Variants in GLIPR1L1 observed in about 807,000 individuals in gnomAD.
GLIPR1L1 encodes the protein GLIPR1-like protein 1.
Under a neutral mutation model 29.9 loss-of-function variants are expected in GLIPR1L1, and 26 were observed. The observed-to-expected ratio is 0.87, with a 90% CI of 0.64 to 1.21. The LOEUF (loss-of-function observed/expected upper bound fraction) is 1.21, where lower values mean the gene tolerates loss of function less well. Ranked by LOEUF, GLIPR1L1 falls within the 50% of genes most tolerant of loss-of-function variation. The pLI is 0.00. For synonymous variants in GLIPR1L1, 77 were observed against 97.5 expected (o/e 0.79, Z 1.24); for missense variants, 305 against 290.3 (o/e 1.05, Z -0.37).
At chr12:75,341,782 C>G (rs572464426) in intron 1 of GLIPR1L1, among the ~76,000 whole-genome samples, 3 of 117,282 alleles carry the variant, frequency 2.6e-5, no homozygotes, top group Admixed American at 1.0e-4. Context: ...GAGATGGAGT[C>G]TCTGTCACCC....
intron 3 of GLIPR1L1, among the ~76,000 whole-genome samples, chr12:75,354,176 G>A (rs1297399219): frequency 1.5e-5 from 2 of 131,936 alleles, no homozygotes; most frequent in South Asian, 5.5e-4. Flanking sequence ...AGGGGGGGGG[G>A]TATTCAAATA....
At chr12:75,365,519 C>T (rs1299299648) in intron 4 of GLIPR1L1, among the ~76,000 whole-genome samples, 1 of 152,000 alleles carries the variant, frequency 6.6e-6, no homozygotes, top group African/African-American at 2.4e-5. Flanking sequence ...ATGAAACAAA[C>T]ATTATTTACC....
chr12:75,339,682 A>G (rs942644224), intron 1 of GLIPR1L1, among the ~76,000 whole-genome samples: 10 of 152,074 alleles, frequency 6.6e-5, no homozygotes, highest in African/African-American at 2.4e-4. Context: ...CCTGAATGGT[A>G]TTGCCTAGAT....
chr12:75,351,965 T>C (rs1203548140), intron 3 of GLIPR1L1, among the ~76,000 whole-genome samples: 1 of 152,166 alleles, frequency 6.6e-6, no homozygotes, highest in East Asian at 1.9e-4. Context: ...CTGAGGGAAT[T>C]CATCACCACC....
chr12:75,339,143 GTATTT>G (rs1274996489), intron 1 of GLIPR1L1, among the ~76,000 whole-genome samples: 1 of 152,152 alleles, frequency 6.6e-6, no homozygotes, highest in African/African-American at 2.4e-5. Context: ...GGGTCAAATG[GTATTT>G]CTGACTCTAG....
At position 75,343,686 on chromosome 12, in the gene GLIPR1L1, C is replaced by T; in HGVS notation, c.175-7C>T. 1 of 1,580,062 alleles carries T rather than the reference C, an allele frequency of 6.3e-7. No individual in the cohort carries two copies. Among genetic ancestry groups the T allele is most frequent in the Non-Finnish European group, 8.6e-7 (1 of 1,162,090 alleles). On this transcript the variant is annotated splice_region_variant and splice_polypyrimidine_tract_variant and intron_variant, in intron 1 of 5. Coordinates refer to ENST00000378695, the MANE Select transcript of GLIPR1L1 (RefSeq NM_001304964.2). The stretch of plus-strand genomic sequence containing the variant: ...ACAATTCAATTTAAATTATTTTTAT[C>T]TTTCAGATTTGGGATAAAGGTTTAG...
chr12:75,347,204 T>C (rs1408959481), intron 2 of GLIPR1L1, among the ~76,000 whole-genome samples: 1 of 152,146 alleles, frequency 6.6e-6, no homozygotes, highest in African/African-American at 2.4e-5. Flanking sequence ...AAATTTAAGA[T>C]GTAATTTGTA....
chr12:75,366,951 T>C, intron 4 of GLIPR1L1: 1 of 701,796 alleles, frequency 1.4e-6, no homozygotes, highest in South Asian at 1.5e-5. Context: ...CAGTCCCCAG[T>C]CACCCAAGGG....
intron 3 of GLIPR1L1, among the ~76,000 whole-genome samples, chr12:75,358,836 AAT>A (rs2043341271): frequency 6.9e-6 from 1 of 144,168 alleles, no homozygotes; most frequent in African/African-American, 2.5e-5. Context: ...AATATATAAC[AAT>A]ATATAATATA....
At chr12:75,363,337 G>A in intron 4 of GLIPR1L1, 147 bp downstream of exon 4, 1 of 396,300 alleles carries the variant, frequency 2.5e-6, no homozygotes, top group East Asian at 4.0e-5. Context: ...GTCATAAATT[G>A]TAATACTTAA....
chr12:75,370,295 T>A lies in GLIPR1L1; in HGVS notation c.*119T>A. ...ATCTTCTACACTCTTGCCTGATACC[T>A]AAATTTAATGTTTGTTTTTAACTCA... On this transcript the variant is annotated 3_prime_UTR_variant, in exon 6 of 6. Transcript: ENST00000378695. 3 of 578,866 alleles carry A rather than the reference T, an allele frequency of 5.2e-6. No individual in the cohort carries two copies. Among genetic ancestry groups the A allele is most frequent in the Non-Finnish European group, 9.2e-6 (3 of 326,006 alleles). 35.9% of individuals were successfully genotyped at this position (578,866 alleles called of 1,614,324 possible). A position where few individuals can be genotyped will look rare whatever the true frequency, so the allele number is the denominator to read the frequency against.
intron 1 of GLIPR1L1, among the ~76,000 whole-genome samples, chr12:75,337,565 T>G (rs1270407495): frequency 6.6e-6 from 1 of 151,958 alleles, no homozygotes; most frequent in Non-Finnish European, 1.5e-5. Flanking sequence ...ATGTTGTTTA[T>G]TGAATGATTA....
chr12:75,343,228 T>C (rs2042233729), intron 1 of GLIPR1L1, among the ~76,000 whole-genome samples: 1 of 152,072 alleles, frequency 6.6e-6, no homozygotes, highest in Non-Finnish European at 1.5e-5. Context: ...GGGAAAGTTT[T>C]AGTATTTCAC....
At chr12:75,365,429 T>G (rs528306069) in intron 4 of GLIPR1L1, among the ~76,000 whole-genome samples, 1 of 152,294 alleles carries the variant, frequency 6.6e-6, no homozygotes, top group Admixed American at 6.5e-5. Flanking sequence ...CCTGATACTC[T>G]TTAGAGGATT....
intron 4 of GLIPR1L1, among the ~76,000 whole-genome samples, chr12:75,367,698 T>A (rs2044074770): frequency 6.6e-6 from 1 of 152,186 alleles, no homozygotes; most frequent in Admixed American, 6.5e-5. Flanking sequence ...TCTGACAGTT[T>A]ATTGATTTTC....
At position 75,363,082 on chromosome 12, in the gene GLIPR1L1, A is replaced by G. The variant is rs1229107702; in HGVS notation, c.522-20A>G. 1 of 1,358,576 alleles carries G rather than the reference A, an allele frequency of 7.4e-7. No homozygotes were observed. Among genetic ancestry groups the G allele is most frequent in the Non-Finnish European group, 1.0e-6 (1 of 984,098 alleles). The allele number at this position is 1,358,576 out of a possible 1,614,324, so 84.2% of individuals were successfully genotyped here. The stretch of plus-strand genomic sequence containing the variant: ...GAAATTAACAGCCATTTGGCTAATC[A>G]ATGTTTCTCTTTTTTACAGAGGAAA... On this transcript the variant is annotated intron_variant, in intron 3 of 5. Coordinates refer to ENST00000378695, the MANE Select transcript of GLIPR1L1 (RefSeq NM_001304964.2).
intron 3 of GLIPR1L1, among the ~76,000 whole-genome samples, chr12:75,358,049 G>A (rs545609783): frequency 2.0e-5 from 3 of 149,442 alleles, no homozygotes; most frequent in South Asian, 2.1e-4. Flanking sequence ...TAAAAACATC[G>A]ATGAAAACTA....
chr12:75,363,078 A>C (rs1337313198), intron 3 of GLIPR1L1, 24 bp from the exon 4 acceptor site: 1 of 1,295,688 alleles, frequency 7.7e-7, no homozygotes, highest in Non-Finnish European at 1.1e-6. Flanking sequence ...CCATTTGGCT[A>C]ATCAATGTTT....
chr12:75,362,672 T>G (rs577295751), intron 3 of GLIPR1L1, among the ~76,000 whole-genome samples: 2 of 152,302 alleles, frequency 1.3e-5, no homozygotes, highest in East Asian at 3.9e-4. Flanking sequence ...TCAGGCATAA[T>G]AGCTGTCAAG....
Sources: allele counts gnomAD v4.1 joint callset (sites outside exome capture counted in the v4.1 genomes callset), GRCh38; gene constraint gnomAD v4.1.1; transcripts MANE v1.5; gene names NCBI Gene and HGNC (gene_info 2026-07-23, HGNC 2026-07-21).